The following LIPG variants were observed in gnomAD, a reference collection of about 807,000 sequenced individuals.
The protein encoded by LIPG is lipase G, endothelial type, also known as endothelial lipase.
A neutral mutation model predicts 51.8 loss-of-function variants in LIPG; 34 were observed. The observed-to-expected ratio is 0.66, with a 90% CI of 0.50 to 0.87. LIPG has a LOEUF of 0.87. LIPG is among the 40% of genes least tolerant of loss of function. The probability of loss-of-function intolerance (pLI) is 0.00; values close to 1 mark genes in which losing one functional copy is unlikely to be tolerated. For synonymous variants in LIPG, 246 were observed against 246.1 expected, an observed-to-expected ratio of 1.00 and a Z score of 0.00; for missense variants, 580 against 652.7, an observed-to-expected ratio of 0.89 and a Z score of 1.21.
intron 2 of LIPG, among the ~76,000 whole-genome samples, chr18:49,566,825 C>T (rs2084610957): frequency 6.6e-6 from 1 of 152,208 alleles, no homozygotes; most frequent in Non-Finnish European, 1.5e-5. Flanking sequence ...GGGACTCAGA[C>T]CAGCCTCATG....
chr18:49,581,776 A>G (rs2084823466), intron 6 of LIPG, 119 bp downstream of exon 6: 3 of 1,239,306 alleles, frequency 2.4e-6, no homozygotes, highest in East Asian at 2.3e-5. Flanking sequence ...ATCCAATCAA[A>G]TCGTTGCAAA....
At chr18:49,584,546 T>A (rs2084862564) in intron 8 of LIPG, among the ~76,000 whole-genome samples, 2 of 152,226 alleles carry the variant, frequency 1.3e-5, no homozygotes, top group African/African-American at 4.8e-5. Context: ...AGCCTTGGCA[T>A]GGGAGGAGGC....
intron 9 of LIPG, chr18:49,590,176 TGTG>T: frequency 3.9e-6 from 1 of 259,664 alleles, no homozygotes; most frequent in African/African-American, 5.8e-5. Flanking sequence ...TCCATGATTG[TGTG>T]TGTGTGTGTG....
chr18:49,568,084 C>G (rs1471865126), intron 3 of LIPG, among the ~76,000 whole-genome samples: 1 of 152,186 alleles, frequency 6.6e-6, no homozygotes, highest in African/African-American at 2.4e-5. Flanking sequence ...GGCTGGAGTA[C>G]AGTGGTGTGA....
Position 49,590,668 on chromosome 18 carries a change from G to T in LIPG, c.*146G>T. On this transcript the variant is annotated 3_prime_UTR_variant, in exon 10 of 10. Transcript: ENST00000261292. ...GCACTGGGAACAACTGGTCTCCTGT[G>T]ATGGCTGGGACTCCTCGCGGGAGGG... 1.2e-6 allele frequency: 1 copy of T among 843,174 alleles called. No homozygotes were observed. Among genetic ancestry groups the T allele is most frequent in the Admixed American group, 2.0e-5 (1 of 49,942 alleles). 52.2% of individuals were successfully genotyped at this position (843,174 alleles called of 1,614,324 possible).
rs1385899179 is a variant in LIPG at position 49,565,533 on chromosome 18, A to G, written c.279+35A>G. ...GGGAGGGAGCTCTGCGGCTTTATAT[A>G]AGATTTGATTCCCTTTGTTTTGGTC... On this transcript the variant is annotated intron_variant, in intron 2 of 9. Coordinates refer to ENST00000261292, the MANE Select transcript of LIPG (RefSeq NM_006033.4). 6 of 1,609,696 alleles carry G rather than the reference A, an allele frequency of 3.7e-6. No individual in the cohort carries two copies. In the African/African-American group the frequency reaches 5.3e-5, roughly 14 times the overall value.
chr18:49,577,764 T>C (rs2084739680), intron 5 of LIPG, among the ~76,000 whole-genome samples: 1 of 94,152 alleles, frequency 1.1e-5, no homozygotes, highest in African/African-American at 5.1e-5. Flanking sequence ...CCCACCTCCC[T>C]CCCGGATGGG....
In LIPG at chr18:49,586,815, G is replaced by C. The variant is rs1433736922; in HGVS notation, c.1446G>C (p.Lys482Asn). The C allele has an allele frequency of 6.2e-7, 1 of 1,614,160 alleles. No homozygotes were observed. The highest frequency in any genetic ancestry group is 8.5e-7 in the Non-Finnish European group (1 of 1,180,008). Residue 482 changes from lysine (K) to asparagine (N), a missense_variant, in exon 9 of 10, where the codon AAG becomes AAC. Transcript: ENST00000261292. ...CAGGCCGGGAGCTCTGGTTTCGCAA[G>C]TGTCGGGATGGCTGGAGGATGAAAA... ...ISPGRELWFR[K>N]CRDGWRMKNE...
At position 49,598,612 on chromosome 18, in the gene LIPG, C is replaced by G. The variant is rs78349695; in HGVS notation, c.*8090C>G. 8,191 of 152,266 alleles carry G rather than the reference C, an allele frequency of 0.054. 404 individuals are homozygous for G. The highest frequency in any genetic ancestry group is 0.2 in the East Asian group (1,029 of 5,172). 9.4% of individuals were successfully genotyped at this position (152,266 alleles called of 1,614,324 possible). On this transcript the variant is annotated 3_prime_UTR_variant, in exon 10 of 10. Transcript: ENST00000261292. Reference sequence around the variant, plus strand: ...TCTTCTTCTCACAGCTTTTTATTGACTTATAACAGGCACACAATAAACTGC... The same window carrying G: ...TCTTCTTCTCACAGCTTTTTATTGAGTTATAACAGGCACACAATAAACTGC...
At chr18:49,589,818 C>T (rs1291962454) in intron 9 of LIPG, 1 of 154,840 alleles carries the variant, frequency 6.5e-6, no homozygotes, top group Non-Finnish European at 1.4e-5. Flanking sequence ...AATTCATATA[C>T]CTGAGAACTC....
chr18:49,561,918 T>A (rs1363721348), upstream of LIPG: 2 of 1,333,998 alleles, frequency 1.5e-6, no homozygotes, highest in Non-Finnish European at 1.9e-6. Flanking sequence ...TCATTCAAAC[T>A]TTCTCCAGTC....
Position 49,592,564 on chromosome 18 carries a change from G to GT in LIPG, c.*2042_*2043insT, listed in dbSNP as rs1380996542. 1.9e-5 allele frequency: 3 copies of GT among 154,822 alleles called. No individual in the cohort carries two copies. The highest frequency in any genetic ancestry group is 7.2e-5 in the African/African-American group (3 of 41,456). 9.6% of individuals were successfully genotyped at this position (154,822 alleles called of 1,614,324 possible). A position where few individuals can be genotyped will look rare whatever the true frequency, so the allele number is the denominator to read the frequency against. On this transcript the variant is annotated 3_prime_UTR_variant, in exon 10 of 10. Coordinates refer to ENST00000261292, the MANE Select transcript of LIPG (RefSeq NM_006033.4). Reference sequence around the variant, plus strand: ...GGGTTTTCCCATTTTTTGTCTTGTTGGTGCTCAAAAAGTTTTGGATTTTGG... The same window carrying GT: ...GGGTTTTCCCATTTTTTGTCTTGTTGTGTGCTCAAAAAGTTTTGGATTTTGG...
At chr18:49,561,937 G>T, upstream of LIPG, 1 of 1,335,592 alleles carries the variant, frequency 7.5e-7, no homozygotes. Context: ...TCTCGGTTCC[G>T]GCGTCAGCAA....
intron 5 of LIPG, among the ~76,000 whole-genome samples, chr18:49,581,024 G>A (rs1181796592): frequency 6.6e-6 from 1 of 152,104 alleles, no homozygotes; most frequent in Non-Finnish European, 1.5e-5. Flanking sequence ...TTTAGGAGGC[G>A]AAGGTGGGAA....
intron 2 of LIPG, among the ~76,000 whole-genome samples, chr18:49,566,893 T>C (rs2084611589): frequency 6.6e-6 from 1 of 152,060 alleles, no homozygotes; most frequent in Non-Finnish European, 1.5e-5. Flanking sequence ...GGGGCAACAG[T>C]ATAGGACATT....
At chr18:49,583,062 G>A (rs2143969661) in intron 7 of LIPG, among the ~76,000 whole-genome samples, 1 of 152,268 alleles carries the variant, frequency 6.6e-6, no homozygotes, top group Non-Finnish European at 1.5e-5. Context: ...CCAAATGAGA[G>A]GGACAGACAG....
intron 9 of LIPG, among the ~76,000 whole-genome samples, chr18:49,587,669 C>T (rs945326215): frequency 2.7e-4 from 41 of 150,934 alleles, no homozygotes; most frequent in African/African-American, 9.3e-4. Context: ...GTTAATGTCT[C>T]TTCTGCTCTT....
chr18:49,588,632 C>T (rs1329165575), intron 9 of LIPG, among the ~76,000 whole-genome samples: 1 of 152,096 alleles, frequency 6.6e-6, no homozygotes, highest in African/African-American at 2.4e-5. Flanking sequence ...AACAGAAATG[C>T]CCATGTATGT....
At chr18:49,581,269 CAAAT>C (rs1424632961) in intron 5 of LIPG, 142 bp from the exon 6 acceptor site, 24 of 1,271,560 alleles carry the variant, frequency 1.9e-5, no homozygotes, top group Middle Eastern at 2.4e-4. Flanking sequence ...TGTCTCAACA[CAAAT>C]AAACAAGCAA....
Sources: gnomAD v4.1 joint callset for allele counts (sites outside exome capture counted in the v4.1 genomes callset) on GRCh38, gnomAD v4.1.1 for gene constraint, MANE v1.5 for transcripts, NCBI Gene and HGNC (gene_info 2026-07-23, HGNC 2026-07-21) for gene names.